The following CCDC169 variants were observed in gnomAD, a reference collection of about 807,000 sequenced individuals.
CCDC169 encodes the protein coiled-coil domain-containing protein 169.
A neutral mutation model predicts 36.0 loss-of-function variants in CCDC169; 30 were observed. That is an observed-to-expected ratio of 0.83 (90% CI 0.62 to 1.13). CCDC169 has a LOEUF of 1.13. Among genes scored for constraint, CCDC169 ranks in the 50% most tolerant of loss-of-function variants. The pLI is 0.00. For synonymous variants in CCDC169, 85 were observed against 81.5 expected (o/e 1.04, Z -0.23); for missense variants, 245 against 245.9 (o/e 1.00, Z 0.03).
intron 4 of CCDC169, among the ~76,000 whole-genome samples, chr13:36,277,376 C>T (rs1416670634): frequency 6.6e-6 from 1 of 152,070 alleles, no homozygotes; most frequent in East Asian, 1.9e-4. Context: ...GACTTAATAC[C>T]TAGGTGATGG....
At chr13:36,266,271 G>A (rs931051851) in intron 4 of CCDC169, among the ~76,000 whole-genome samples, 2 of 152,134 alleles carry the variant, frequency 1.3e-5, no homozygotes, top group African/African-American at 2.4e-5. Context: ...GGAGGTGGGT[G>A]CAGCTCCTGA....
chr13:36,245,908 A>T (rs948392951), intron 7 of CCDC169, among the ~76,000 whole-genome samples: 11 of 152,206 alleles, frequency 7.2e-5, no homozygotes, highest in Admixed American at 7.2e-4. Flanking sequence ...AATTCTCACA[A>T]TATTTCAAAC....
At chr13:36,274,347 G>C (rs145778069) in intron 4 of CCDC169, 1 of 151,990 alleles carries the variant, frequency 6.6e-6, no homozygotes, top group Non-Finnish European at 1.5e-5. Context: ...TAACTTTAAG[G>C]TTCCCTCTTA....
Position 36,295,850 on chromosome 13 carries a change from C to T in CCDC169, c.91G>A (p.Val31Met). The change falls in exon 2 of 8, where the codon GTG becomes ATG. Residue 31 changes from valine to methionine, a missense_variant. Val to Met is a conservative substitution (Grantham distance 21, BLOSUM62 1). Coordinates refer to ENST00000239859, the MANE Select transcript of CCDC169 (RefSeq NM_001144981.3). The part of the protein sequence containing the change: ...LLEEVRKKDA[V>M]QLSIFELRHK... Reference sequence around the variant, plus strand: ...CTTAGTTCAAATATTGAGAGTTGCACTGCATCCCTGTTATTTAAAATATTT... The same window carrying T: ...CTTAGTTCAAATATTGAGAGTTGCATTGCATCCCTGTTATTTAAAATATTT... 1 of 1,524,358 alleles carries T rather than the reference C, an allele frequency of 6.6e-7. No homozygotes were observed. The allele number at this position is 1,524,358 out of a possible 1,614,324, so 94.4% of individuals were successfully genotyped here.
chr13:36,295,254 AGAACAGG>A (rs1269769035), intron 2 of CCDC169, among the ~76,000 whole-genome samples: 1 of 152,200 alleles, frequency 6.6e-6, no homozygotes. Context: ...GAACCTCTTT[AGAACAGG>A]GAAAACAAAG....
intron 7 of CCDC169, among the ~76,000 whole-genome samples, chr13:36,234,955 ATTC>A (rs1164504657): frequency 1.3e-4 from 20 of 152,218 alleles, no homozygotes; most frequent in African/African-American, 4.6e-4. Context: ...TTTGTTTGTA[ATTC>A]TTCTTTTTAA....
Position 36,297,624 on chromosome 13 carries a change from C to T in CCDC169, c.83+13G>A. 6.5e-7 allele frequency: 1 copy of T among 1,549,008 alleles called. No individual in the cohort carries two copies. Among genetic ancestry groups the T allele is most frequent in the Non-Finnish European group, 8.7e-7 (1 of 1,146,916 alleles). On this transcript the variant is annotated intron_variant, in intron 1 of 7. Transcript: ENST00000239859. ...GTGGACGGGACCCCACACCGCGCCG[C>T]CCGCCGACTCACTTCTTGCGGACTT... is the stretch of plus-strand genomic sequence containing the variant.
chr13:36,231,424 G>C, intron 7 of CCDC169, 132 bp from the exon 8 acceptor site: 1 of 821,544 alleles, frequency 1.2e-6, no homozygotes, highest in Non-Finnish European at 1.9e-6. Flanking sequence ...AAACCTTCCT[G>C]TGAATAGTTT....
At chr13:36,227,505 A>C, downstream of CCDC169, 1 of 1,099,218 alleles carries the variant, frequency 9.1e-7, no homozygotes, top group Non-Finnish European at 1.2e-6. Context: ...CACAAAAATA[A>C]ATAAATAAAT....
chr13:36,227,448 G>A, downstream of CCDC169: 1 of 1,386,498 alleles, frequency 7.2e-7, no homozygotes, highest in Non-Finnish European at 9.4e-7. Context: ...TAATAAAGCA[G>A]ATATTCCAAC....
At chr13:36,270,246 A>C (rs1072675) in intron 4 of CCDC169, among the ~76,000 whole-genome samples, 38,649 of 152,020 alleles carry the variant, frequency 0.25, 5,184 homozygotes, top group East Asian at 0.49. Context: ...GAGAACTACA[A>C]ACCACTGCTG....
intron 2 of CCDC169, among the ~76,000 whole-genome samples, chr13:36,294,840 T>C (rs1030774702): frequency 1.3e-5 from 2 of 152,124 alleles, no homozygotes; most frequent in Non-Finnish European, 2.9e-5. Flanking sequence ...ATTTTCACAG[T>C]GCTTTTCCAT....
chr13:36,261,237 C>T lies in CCDC169; in HGVS notation c.316-7094G>A, dbSNP rs116261781. Among the ~76,000 whole-genome samples the T allele has an allele frequency of 5.2e-3, 798 of 152,202 alleles. 8 individuals are homozygous for T. The highest frequency in any genetic ancestry group is 0.019 in the African/African-American group (770 of 41,526). On this transcript the variant is annotated intron_variant, in intron 4 of 7. Transcript: ENST00000239859. ...ACAGTAACCACAGTGGCTGAGATGG[C>T]GACTTTGCATTGGCTCAACAGCATG... is the stretch of plus-strand genomic sequence containing the variant.
At chr13:36,242,600 G>A (rs1391163956) in intron 7 of CCDC169, among the ~76,000 whole-genome samples, 1 of 151,930 alleles carries the variant, frequency 6.6e-6, no homozygotes, top group Non-Finnish European at 1.5e-5. Flanking sequence ...GAGAGTGAAC[G>A]GGTTTTTTTT....
chr13:36,292,840 C>T (rs992213089), intron 2 of CCDC169, among the ~76,000 whole-genome samples: 7 of 151,958 alleles, frequency 4.6e-5, no homozygotes, highest in Non-Finnish European at 1.0e-4. Flanking sequence ...GAAGAGAGGG[C>T]CATCACTACA....
chr13:36,269,829 G>C (rs1394441292), intron 4 of CCDC169, among the ~76,000 whole-genome samples: 1 of 152,052 alleles, frequency 6.6e-6, no homozygotes, highest in Non-Finnish European at 1.5e-5. Context: ...TACTGAACGG[G>C]GAGAAGTTGA....
chr13:36,230,491 T>TTACC (rs1435739898), downstream of CCDC169, among the ~76,000 whole-genome samples: 2 of 152,232 alleles, frequency 1.3e-5, no homozygotes, highest in African/African-American at 4.8e-5. Context: ...TCACTATGAA[T>TTACC]TACCACACAT....
Position 36,270,922 on chromosome 13 carries a change from A to G in CCDC169, c.315+12547T>C, listed in dbSNP as rs548275621. ...GCAACAAAAACAAAAATAAATACAT[A>G]AGACCTAATTAAACTAAAAAGCTTC... On this transcript the variant is annotated intron_variant, in intron 4 of 7. Coordinates refer to ENST00000239859, the MANE Select transcript of CCDC169 (RefSeq NM_001144981.3). Among the ~76,000 whole-genome samples the G allele has an allele frequency of 1.5e-4, 23 of 152,246 alleles. 1 individual carries two copies. The South Asian group carries it at 4.1e-3, about 27-fold the overall frequency.
At position 36,231,136 on chromosome 13, in the gene CCDC169, T is replaced by C; in HGVS notation, c.*57A>G. The C allele has an allele frequency of 6.6e-7, 1 of 1,516,766 alleles. No homozygotes were observed. Among genetic ancestry groups the C allele is most frequent in the Non-Finnish European group, 8.8e-7 (1 of 1,133,980 alleles). 94.0% of individuals were successfully genotyped at this position (1,516,766 alleles called of 1,614,324 possible). On this transcript the variant is annotated 3_prime_UTR_variant, in exon 8 of 8. Coordinates refer to ENST00000239859, the MANE Select transcript of CCDC169 (RefSeq NM_001144981.3). ...ATGTGCTGACCATTAACTTTATAACTTGAATATTATAAATGGAAAAAAAAA... is the reference window on the plus strand; with the variant it reads ...ATGTGCTGACCATTAACTTTATAACCTGAATATTATAAATGGAAAAAAAAA...
Sources: gnomAD v4.1 joint callset for allele counts (sites outside exome capture counted in the v4.1 genomes callset) on GRCh38, gnomAD v4.1.1 for gene constraint, MANE v1.5 for transcripts, NCBI Gene and HGNC (gene_info 2026-07-23, HGNC 2026-07-21) for gene names.